PHACTR1: variants seen among roughly 807,000 people sequenced by gnomAD.
The protein encoded by PHACTR1 is phosphatase and actin regulator 1.
PHACTR1 carries 16 observed loss-of-function variants against 69.2 expected under a neutral mutation model. That is an observed-to-expected ratio of 0.23 (90% CI 0.16 to 0.35). The LOEUF (loss-of-function observed/expected upper bound fraction) is 0.35. Ranked by LOEUF, PHACTR1 falls within the 10% of genes least tolerant of loss-of-function variation. The pLI is 1.00. For synonymous variants in PHACTR1, 312 were observed against 284.5 expected (o/e 1.10, Z -0.97); for missense variants, 510 against 734.7 (o/e 0.69, Z 3.54).
chr6:12,746,968 C>A (rs2127592820), intron 3 of PHACTR1, among the ~76,000 whole-genome samples: 1 of 152,328 alleles, frequency 6.6e-6, no homozygotes, highest in Admixed American at 6.5e-5. Flanking sequence ...TCCTTAAGAA[C>A]CTGAACCCGA....
At chr6:12,797,092 A>G (rs949871044) in intron 4 of PHACTR1, among the ~76,000 whole-genome samples, 2 of 151,444 alleles carry the variant, frequency 1.3e-5, no homozygotes, top group African/African-American at 4.9e-5. Context: ...GTTGGAGAGA[A>G]GAGAACTGAT....
chr6:13,083,390 C>T (rs1811730107), intron 5 of PHACTR1, among the ~76,000 whole-genome samples: 1 of 152,148 alleles, frequency 6.6e-6, no homozygotes, highest in East Asian at 1.9e-4. Context: ...ATGTTTCCAG[C>T]TTTGTTCTTT....
chr6:12,856,983 C>T (rs1380581747), intron 4 of PHACTR1, among the ~76,000 whole-genome samples: 1 of 152,202 alleles, frequency 6.6e-6, no homozygotes, highest in Non-Finnish European at 1.5e-5. Context: ...TTTCCATTCT[C>T]TTTTGAAACG....
intron 5 of PHACTR1, among the ~76,000 whole-genome samples, chr6:13,124,777 C>T (rs1376321470): frequency 6.6e-6 from 1 of 152,204 alleles, no homozygotes; most frequent in African/African-American, 2.4e-5. Flanking sequence ...GCCGCCTTCT[C>T]ACTGTGTGCT....
At chr6:13,219,843 C>T (rs1384425220) in intron 8 of PHACTR1, among the ~76,000 whole-genome samples, 1 of 152,156 alleles carries the variant, frequency 6.6e-6, no homozygotes. Flanking sequence ...TCATAGTCAG[C>T]ATATACATCT....
intron 5 of PHACTR1, among the ~76,000 whole-genome samples, chr6:13,109,032 C>G (rs114472925): frequency 3.3e-3 from 502 of 152,084 alleles, no homozygotes; most frequent in Non-Finnish European, 5.5e-3. Context: ...TTATCGCAGT[C>G]TACCTTCAGA....
At chr6:12,933,717 G>C in intron 4 of PHACTR1, 1 of 1,612,836 alleles carries the variant, frequency 6.2e-7, no homozygotes, top group East Asian at 2.2e-5. Context: ...CTCGAACTGT[G>C]TTCCCTGGAA....
intron 4 of PHACTR1, among the ~76,000 whole-genome samples, chr6:12,807,341 A>G (rs1038076126): frequency 3.3e-5 from 5 of 152,224 alleles, no homozygotes; most frequent in African/African-American, 9.6e-5. Context: ...AAAATAAAAT[A>G]TTTAATTATT....
rs775384012 is a variant in PHACTR1 at position 13,286,235 on chromosome 6, G to A, written c.1727+13G>A. 6.4e-7 allele frequency: 1 copy of A among 1,560,030 alleles called. No homozygotes were observed. The highest frequency in any genetic ancestry group is 1.2e-5 in the South Asian group (1 of 81,356). On this transcript the variant is annotated intron_variant, in intron 14 of 14. Coordinates refer to ENST00000332995, the MANE Select transcript of PHACTR1 (RefSeq NM_030948.6). The stretch of plus-strand genomic sequence containing the variant: ...GACACTTAACAAGGTTAGTATTAAG[G>A]GTTTTTTTTTTCCTTTTTTTCCCTC...
chr6:13,013,715 G>C (rs901230648), intron 4 of PHACTR1, among the ~76,000 whole-genome samples: 3 of 151,366 alleles, frequency 2.0e-5, no homozygotes, highest in African/African-American at 7.2e-5. Flanking sequence ...GGGCAGCGAG[G>C]TCGGCGAGGT....
intron 4 of PHACTR1, among the ~76,000 whole-genome samples, chr6:12,757,434 A>T (rs563553816): frequency 6.6e-6 from 1 of 152,236 alleles, no homozygotes; most frequent in Admixed American, 6.5e-5. Context: ...CACTGCAGGG[A>T]TTTGCGCATA....
intron 5 of PHACTR1, among the ~76,000 whole-genome samples, chr6:13,094,866 CTGAG>C (rs1332012303): frequency 6.6e-6 from 1 of 152,144 alleles, no homozygotes; most frequent in African/African-American, 2.4e-5. Flanking sequence ...CTTTTATGGA[CTGAG>C]TGTGTCTTCC....
intron 4 of PHACTR1, among the ~76,000 whole-genome samples, chr6:12,758,249 C>T (rs1000985960): frequency 4.0e-5 from 6 of 151,878 alleles, no homozygotes; most frequent in Non-Finnish European, 7.4e-5. Context: ...TCGAGACCAG[C>T]CTGACCAACA....
intron 5 of PHACTR1, among the ~76,000 whole-genome samples, chr6:13,149,922 A>G (rs1381442323): frequency 6.6e-6 from 1 of 151,996 alleles, no homozygotes; most frequent in Non-Finnish European, 1.5e-5. Context: ...CCCAGGGAAG[A>G]CAAAGGATTG....
At chr6:13,167,591 A>T (rs1426723699) in intron 6 of PHACTR1, among the ~76,000 whole-genome samples, 1 of 152,186 alleles carries the variant, frequency 6.6e-6, no homozygotes, top group East Asian at 1.9e-4. Flanking sequence ...GTAATCCTAC[A>T]GGGAGGGGAA....
intron 4 of PHACTR1, among the ~76,000 whole-genome samples, chr6:13,041,335 T>TACACACACACACAC (rs1341525931): frequency 2.6e-5 from 1 of 38,658 alleles, no homozygotes; most frequent in Non-Finnish European, 5.4e-5. Flanking sequence ...GTAATTAAAA[T>TACACACACACACAC]ACATACACAC....
chr6:12,900,390 T>C (rs527490825), intron 4 of PHACTR1, among the ~76,000 whole-genome samples: 1 of 152,314 alleles, frequency 6.6e-6, no homozygotes, highest in South Asian at 2.1e-4. Flanking sequence ...CTTTACATTT[T>C]CTGGTCTCTA....
intron 5 of PHACTR1, among the ~76,000 whole-genome samples, chr6:13,070,235 T>A (rs1163899994): frequency 6.6e-5 from 10 of 152,206 alleles, no homozygotes; most frequent in African/African-American, 1.9e-4. Context: ...AGATATGCAT[T>A]GGTGTCTTTT....
intron 4 of PHACTR1, among the ~76,000 whole-genome samples, chr6:12,767,306 C>T (rs375215041): frequency 2.0e-5 from 3 of 152,276 alleles, no homozygotes; most frequent in African/African-American, 7.2e-5. Flanking sequence ...ATTCCCCCAG[C>T]CTTGCTCTCC....
Sources: allele counts gnomAD v4.1 joint callset (sites outside exome capture counted in the v4.1 genomes callset), GRCh38; gene constraint gnomAD v4.1.1; transcripts MANE v1.5; gene names NCBI Gene and HGNC (gene_info 2026-07-23, HGNC 2026-07-21).